Variants in NKD2 observed in about 807,000 individuals in gnomAD.
NKD2 encodes the protein protein naked cuticle homolog 2.
Under a neutral mutation model 34.8 loss-of-function variants are expected in NKD2, and 43 were observed. The ratio of observed to expected loss-of-function variants is 1.24; its 90% CI spans 0.97 to 1.60. The LOEUF (loss-of-function observed/expected upper bound fraction) is 1.60, where lower values mean the gene tolerates loss of function less well. Ranked by LOEUF, NKD2 falls within the 40% of genes most tolerant of loss-of-function variation. The probability of loss-of-function intolerance (pLI) is 0.00; values close to 1 mark genes in which losing one functional copy is unlikely to be tolerated. For synonymous variants in NKD2, 278 were observed against 265.1 expected (o/e 1.05, Z -0.47); for missense variants, 675 against 627.1 (o/e 1.08, Z -0.82).
chr5:1,036,645 C>T (rs117025467), intron 9 of NKD2: 38 of 609,890 alleles, frequency 6.2e-5, no homozygotes, highest in Middle Eastern at 2.8e-4. Flanking sequence ...GTGGCGGATG[C>T]GGGGGTGCCT....
At chr5:1,019,286 C>T (rs1419821948) in intron 3 of NKD2, among the ~76,000 whole-genome samples, 7 of 152,288 alleles carry the variant, frequency 4.6e-5, no homozygotes, top group Middle Eastern at 3.4e-3. Context: ...GCCTTGGATC[C>T]GGTGCCCTTC....
At chr5:1,016,622 G>T (rs926944447) in intron 3 of NKD2, among the ~76,000 whole-genome samples, 2 of 152,224 alleles carry the variant, frequency 1.3e-5, no homozygotes, top group Admixed American at 6.5e-5. Context: ...GGAAACGGGG[G>T]TCCCTCCTTG....
In NKD2 at chr5:1,009,359, C is replaced by A; in HGVS notation, c.62-122C>A. 2.8e-6 allele frequency: 2 copies of A among 718,516 alleles called. No individual in the cohort carries two copies. The highest frequency in any genetic ancestry group is 2.1e-5 in the South Asian group (1 of 47,824). The allele number at this position is 718,516 out of a possible 1,614,324, so 44.5% of individuals were successfully genotyped here. On this transcript the variant is annotated intron_variant, in intron 2 of 9. Coordinates refer to ENST00000296849, the MANE Select transcript of NKD2 (RefSeq NM_033120.4). The surrounding 1 kb of genome is among the most constrained non-coding windows in gnomAD (Gnocchi z 6.9). ...TCCAGGAGCGCGCGGGACCCCCACGCCTGCCCCTGCGCGGTCTCCAGGCGA... is the reference window on the plus strand; with the variant it reads ...TCCAGGAGCGCGCGGGACCCCCACGACTGCCCCTGCGCGGTCTCCAGGCGA...
intron 3 of NKD2, among the ~76,000 whole-genome samples, chr5:1,018,723 G>A (rs554413857): frequency 1.7e-4 from 26 of 152,324 alleles, no homozygotes; most frequent in Non-Finnish European, 2.6e-4. Flanking sequence ...CTTCTGGCCG[G>A]TGGTCAGGAC....
intron 3 of NKD2, among the ~76,000 whole-genome samples, chr5:1,021,586 A>G (rs1756189368): frequency 6.6e-6 from 1 of 151,868 alleles, no homozygotes; most frequent in African/African-American, 2.4e-5. Context: ...TTAAGCCCGT[A>G]AAACTACATT....
At chr5:1,026,334 T>C (rs773620470) in intron 3 of NKD2, among the ~76,000 whole-genome samples, 236 of 13,936 alleles carry the variant, frequency 0.017, no homozygotes, top group African/African-American at 0.046. Flanking sequence ...GGCGTCTCGG[T>C]CCATTGTCCC....
At position 1,036,238 on chromosome 5, in the gene NKD2, T is replaced by A; in HGVS notation, c.660-19T>A. 1 of 1,576,422 alleles carries A rather than the reference T, an allele frequency of 6.3e-7. No individual in the cohort carries two copies. Among genetic ancestry groups the A allele is most frequent in the South Asian group, 1.2e-5 (1 of 85,918 alleles). ...CCCAGTCTGTGCGGGGGTCAGGCCCTTCTCTGTGCTCCAAGCAGGAGGCCC... is the reference window on the plus strand; with the variant it reads ...CCCAGTCTGTGCGGGGGTCAGGCCCATCTCTGTGCTCCAAGCAGGAGGCCC... On this transcript the variant is annotated intron_variant, in intron 8 of 9. Transcript: ENST00000296849.
intron 3 of NKD2, among the ~76,000 whole-genome samples, chr5:1,027,525 T>C (rs1156782259): frequency 6.6e-6 from 1 of 152,168 alleles, no homozygotes; most frequent in Admixed American, 6.5e-5. Context: ...TCGGCTCCCA[T>C]CACCTCCACC....
At chr5:1,016,830 A>C (rs1192543319) in intron 3 of NKD2, among the ~76,000 whole-genome samples, 2 of 152,068 alleles carry the variant, frequency 1.3e-5, no homozygotes, top group African/African-American at 2.4e-5. Context: ...CCTCCTTTCC[A>C]CAAAGGATAA....
intron 7 of NKD2, 59 bp from the exon 8 acceptor site, chr5:1,035,302 GTGAGTGAGTTAATGAATGAGTGAATGAA>G (rs1733837927): frequency 1.1e-6 from 1 of 942,900 alleles, no homozygotes; most frequent in African/African-American, 2.3e-5. Context: ...GAATGAATGA[GTGAGTGAGTTAATGAATGAGTGAATGAA>G]TGAGTGAATG....
At chr5:1,027,443 G>A (rs1756464702) in intron 3 of NKD2, among the ~76,000 whole-genome samples, 1 of 152,158 alleles carries the variant, frequency 6.6e-6, no homozygotes, top group Non-Finnish European at 1.5e-5. Context: ...AATGCTGCCC[G>A]ACACGCCCAC....
intron 3 of NKD2, among the ~76,000 whole-genome samples, chr5:1,027,039 A>G (rs10040052): frequency 0.092 from 13,964 of 152,252 alleles, 927 homozygotes; most frequent in African/African-American, 0.18. Flanking sequence ...GGTGGTGACA[A>G]TGACCACAGG....
At chr5:1,015,560 T>TCCCTGGGTTATGACGAAA (rs1417909891) in intron 3 of NKD2, among the ~76,000 whole-genome samples, 2 of 152,064 alleles carry the variant, frequency 1.3e-5, no homozygotes, top group African/African-American at 4.8e-5. Context: ...CATCAGAAAC[T>TCCCTGGGTTATGACGAAA]CCCTGGGTTA....
intron 6 of NKD2, among the ~76,000 whole-genome samples, 179 bp downstream of exon 6, chr5:1,034,509 C>T (rs556561747): frequency 3.3e-5 from 5 of 152,280 alleles, no homozygotes; most frequent in South Asian, 4.1e-4. Flanking sequence ...GCCGAGCCTG[C>T]GCCGCCCATT....
intron 7 of NKD2, 117 bp downstream of exon 7, chr5:1,035,020 A>T: frequency 1.0e-6 from 1 of 956,170 alleles, no homozygotes; most frequent in Non-Finnish European, 1.5e-6. Flanking sequence ...GGGTGAATGG[A>T]TGGGTGAGTG....
At chr5:1,015,646 C>T (rs936037943) in intron 3 of NKD2, among the ~76,000 whole-genome samples, 3 of 152,224 alleles carry the variant, frequency 2.0e-5, no homozygotes, top group African/African-American at 7.2e-5. Context: ...AAGCAGGAGC[C>T]ACTGCTGGGG....
intron 3 of NKD2, among the ~76,000 whole-genome samples, chr5:1,019,955 G>A (rs1249186989): frequency 1.3e-5 from 2 of 152,176 alleles, no homozygotes; most frequent in Non-Finnish European, 2.9e-5. Flanking sequence ...TGAGTGGGGC[G>A]GTTGAGGGTG....
intron 3 of NKD2, among the ~76,000 whole-genome samples, chr5:1,015,781 G>A (rs911667439): frequency 9.2e-5 from 14 of 152,294 alleles, no homozygotes; most frequent in East Asian, 5.8e-4. Flanking sequence ...CCTGTGCTGC[G>A]TCCTGGGGCA....
intron 3 of NKD2, among the ~76,000 whole-genome samples, chr5:1,017,429 C>T (rs946898722): frequency 6.6e-6 from 1 of 152,260 alleles, no homozygotes; most frequent in African/African-American, 2.4e-5. Context: ...GGGGCCATTT[C>T]AGTGGCCCTG....
Sources: gnomAD v4.1 joint callset for allele counts (sites outside exome capture counted in the v4.1 genomes callset) on GRCh38, gnomAD v4.1.1 for gene constraint, Gnocchi (gnomAD v3.1) non-coding constraint, MANE v1.5 for transcripts, NCBI Gene and HGNC (gene_info 2026-07-23, HGNC 2026-07-21) for gene names.